Variants in RFX7 observed in about 807,000 individuals in gnomAD.
RFX7 encodes regulatory factor X7.
RFX7 carries 26 observed loss-of-function variants against 111.8 expected under a neutral mutation model. The ratio of observed to expected loss-of-function variants is 0.23; its 90% CI spans 0.17 to 0.32. RFX7 has a LOEUF of 0.32. Among genes scored for constraint, RFX7 ranks in the 10% least tolerant of loss-of-function variants. The probability of loss-of-function intolerance (pLI) is 1.00; values close to 1 mark genes in which losing one functional copy is unlikely to be tolerated. For synonymous variants in RFX7, 624 were observed against 624.4 expected, an observed-to-expected ratio of 1.00 and a Z score of 0.01; for missense variants, 1,573 against 1,772.9, an observed-to-expected ratio of 0.89 and a Z score of 2.02.
intron 2 of RFX7, among the ~76,000 whole-genome samples, chr15:56,185,830 T>G (rs2043032588): frequency 6.6e-6 from 1 of 152,202 alleles, no homozygotes; most frequent in Non-Finnish European, 1.5e-5. Flanking sequence ...AGTGAGGATA[T>G]TTTCTCCATG....
At chr15:56,209,066 G>A (rs1293661205) in intron 2 of RFX7, among the ~76,000 whole-genome samples, 3 of 151,874 alleles carry the variant, frequency 2.0e-5, no homozygotes, top group Non-Finnish European at 2.9e-5. Flanking sequence ...CTCAGAGAAC[G>A]TCAACCAACA....
chr15:56,141,290 G>A (rs1264753699), intron 5 of RFX7, among the ~76,000 whole-genome samples: 1 of 151,882 alleles, frequency 6.6e-6, no homozygotes, highest in Non-Finnish European at 1.5e-5. Context: ...GGGGGTGGGA[G>A]TGGGAGTTAA....
At chr15:56,113,397 G>T (rs945042238) in intron 5 of RFX7, among the ~76,000 whole-genome samples, 4 of 152,148 alleles carry the variant, frequency 2.6e-5, no homozygotes, top group Non-Finnish European at 5.9e-5. Context: ...ACTAATGCAG[G>T]AACAGAAAAC....
intron 2 of RFX7, among the ~76,000 whole-genome samples, chr15:56,196,514 T>C (rs549640618): frequency 5.3e-5 from 8 of 152,198 alleles, no homozygotes; most frequent in African/African-American, 1.7e-4. Context: ...AGTTTACCCA[T>C]TTTAACTGTT....
In RFX7 at chr15:56,243,823, C is replaced by CGCCGCCGCG. The variant is rs1306041886; in HGVS notation, c.-390_-382dup. On this transcript the variant is annotated 5_prime_UTR_variant, in exon 1 of 10. Coordinates refer to ENST00000559447, the MANE Select transcript of RFX7 (RefSeq NM_022841.7). ...CGCCGCCGCTCGCTCCCGGCCCCGC[C>CGCCGCCGCG]GCCGCCGCGGCCGCCGCTGCCCTGC... 1.4e-5 allele frequency among the ~76,000 whole-genome samples: 2 copies of CGCCGCCGCG among 147,362 alleles called. No individual in the cohort carries two copies. Among genetic ancestry groups the CGCCGCCGCG allele is most frequent in the Admixed American group, 1.3e-4 (2 of 14,846 alleles).
chr15:56,128,161 T>TAA (rs2042169211), intron 5 of RFX7, among the ~76,000 whole-genome samples: 1 of 152,190 alleles, frequency 6.6e-6, no homozygotes, highest in Admixed American at 6.5e-5. Context: ...CAGACCAAGA[T>TAA]GGTTTAGCTG....
At position 56,094,206 on chromosome 15, in the gene RFX7, T is replaced by C. The variant is rs188534635; in HGVS notation, c.3522A>G (p.Gln1174=). The C allele has an allele frequency of 7.4e-6, 12 of 1,613,960 alleles. No individual in the cohort carries two copies. The highest frequency in any genetic ancestry group is 2.2e-5 in the East Asian group (1 of 44,868). Residue 1174 remains glutamine (Q), a synonymous_variant, in exon 10 of 10, where the codon CAA becomes CAG. Coordinates refer to ENST00000559447, the MANE Select transcript of RFX7 (RefSeq NM_022841.7). ...AGAGGGTGCTTCCACTAAGATTACG[T>C]TGGCGATGAACAGCAGGGCTCACAC... The part of the protein sequence containing the change: ...CRSVSPAVHR[Q]RNLSGSTLYP...
intron 2 of RFX7, among the ~76,000 whole-genome samples, chr15:56,225,417 A>C (rs187238119): frequency 3.3e-5 from 5 of 152,294 alleles, no homozygotes; most frequent in Admixed American, 2.6e-4. Context: ...TCCATTGTTT[A>C]TACTGCACTG....
At chr15:56,179,808 ACAC>A (rs1224024870) in intron 2 of RFX7, among the ~76,000 whole-genome samples, 4 of 135,334 alleles carry the variant, frequency 3.0e-5, no homozygotes, top group African/African-American at 1.3e-4. Flanking sequence ...ACACACACAC[ACAC>A]ACCAGTAACA....
At chr15:56,119,075 A>G (rs1161462636) in intron 5 of RFX7, among the ~76,000 whole-genome samples, 4 of 152,066 alleles carry the variant, frequency 2.6e-5, no homozygotes, top group African/African-American at 4.8e-5. Flanking sequence ...AGCTCCTTCT[A>G]TATTCTGGTT....
intron 5 of RFX7, among the ~76,000 whole-genome samples, chr15:56,129,105 A>G (rs149224926): frequency 7.8e-4 from 119 of 152,270 alleles, no homozygotes; most frequent in Middle Eastern, 3.4e-3. Context: ...ACCAGGCACA[A>G]TGGCTCACGC....
rs1169664651 is a variant in RFX7, at chr15:56,094,450, C to T, written c.3278G>A (p.Arg1093His). The T allele has an allele frequency of 8.7e-6, 14 of 1,613,812 alleles. No homozygotes were observed. Among genetic ancestry groups the T allele is most frequent in the African/African-American group, 1.3e-5 (1 of 74,910 alleles). The change falls in exon 10 of 10, where the codon CGT (arginine) becomes CAT (histidine). Residue 1093 changes from arginine (R) to histidine (H), a missense_variant. This residue lies in a region of RFX7 where 411 missense variants were observed against 478.1 expected (regional missense o/e 0.86). Transcript: ENST00000559447. The part of the protein sequence containing the change: ...LPSYQELVED[R>H]FRKPHAFAVP... The stretch of plus-strand genomic sequence containing the variant: ...AGCAAAAGCATGAGGTTTCCTGAAA[C>T]GGTCTTCCACTAGTTCCTGATAGCT...
At chr15:56,128,994 G>A (rs560491202) in intron 5 of RFX7, among the ~76,000 whole-genome samples, 2 of 152,228 alleles carry the variant, frequency 1.3e-5, no homozygotes, top group African/African-American at 4.8e-5. Context: ...AGATTAAGAT[G>A]TATACATCCT....
At chr15:56,231,702 A>T (rs1169763315) in intron 2 of RFX7, among the ~76,000 whole-genome samples, 1 of 152,184 alleles carries the variant, frequency 6.6e-6, no homozygotes, top group Non-Finnish European at 1.5e-5. Context: ...TCAAAGTCTT[A>T]ACTCATTTTG....
At chr15:56,106,567 T>G (rs2041832594) in intron 5 of RFX7, among the ~76,000 whole-genome samples, 1 of 152,218 alleles carries the variant, frequency 6.6e-6, no homozygotes, top group South Asian at 2.1e-4. Context: ...TCCTGCCAGA[T>G]GTAGAAATGG....
intron 2 of RFX7, among the ~76,000 whole-genome samples, chr15:56,185,300 A>C (rs1406547560): frequency 6.6e-6 from 1 of 152,218 alleles, no homozygotes; most frequent in African/African-American, 2.4e-5. Flanking sequence ...TTTCATGATG[A>C]AAACTTCCTT....
At chr15:56,214,215 T>C (rs1250857696) in intron 2 of RFX7, among the ~76,000 whole-genome samples, 4 of 152,218 alleles carry the variant, frequency 2.6e-5, no homozygotes, top group Non-Finnish European at 5.9e-5. Flanking sequence ...TTAGGAGCAC[T>C]TTGGCTATTC....
At position 56,095,156 on chromosome 15, in the gene RFX7, G is replaced by T; in HGVS notation, c.2572C>A (p.Gln858Lys). The T allele has an allele frequency of 6.2e-7, 1 of 1,613,932 alleles. No individual in the cohort carries two copies. The highest frequency in any genetic ancestry group is 8.5e-7 in the Non-Finnish European group (1 of 1,179,826). ...QAHSSDQLPL[Q>K]SELKEFEPSV... ...GGCTCAAACTCCTTCAGTTCAGATT[G>T]CAGAGGTAACTGATCTGAAGAATGT... Residue 858 changes from glutamine to lysine, a missense_variant, in exon 10 of 10, where the codon CAA becomes AAA. Transcript: ENST00000559447.
At chr15:56,210,326 G>C (rs1454165173) in intron 2 of RFX7, among the ~76,000 whole-genome samples, 2 of 151,996 alleles carry the variant, frequency 1.3e-5, no homozygotes, top group Non-Finnish European at 2.9e-5. Context: ...CAAAAACAGA[G>C]AACTGCAAGG....
Sources: allele counts gnomAD v4.1 joint callset (sites outside exome capture counted in the v4.1 genomes callset), GRCh38; gene constraint gnomAD v4.1.1; regional missense constraint gnomAD v4.1.1; transcripts MANE v1.5; gene names NCBI Gene and HGNC (gene_info 2026-07-23, HGNC 2026-07-21).